The following ACAT2 variants were observed in gnomAD, a reference collection of about 807,000 sequenced individuals.
The protein encoded by ACAT2 is acetyl-CoA acetyltransferase, cytosolic.
Under a neutral mutation model 37.1 loss-of-function variants are expected in ACAT2, and 26 were observed. The ratio of observed to expected loss-of-function variants is 0.70; its 90% confidence interval spans 0.51 to 0.97. The LOEUF (loss-of-function observed/expected upper bound fraction) is 0.97, where lower values mean the gene tolerates loss of function less well. Ranked by LOEUF, ACAT2 falls within the 50% of genes least tolerant of loss-of-function variation. The pLI is 0.00. For synonymous variants in ACAT2, 156 were observed against 163.6 expected (o/e 0.95, Z 0.35); for missense variants, 468 against 489.0 (o/e 0.96, Z 0.40).
chr6:159,765,952 G>A (rs1780249346), intron 2 of ACAT2, among the ~76,000 whole-genome samples: 1 of 152,166 alleles, frequency 6.6e-6, no homozygotes, highest in African/African-American at 2.4e-5. Context: ...ATCTGAAACT[G>A]GGAATAGAGT....
At chr6:159,762,268 G>C (rs1484190329) in intron 1 of ACAT2, 126 bp downstream of exon 1, 2 of 1,323,130 alleles carry the variant, frequency 1.5e-6, no homozygotes, top group Non-Finnish European at 2.0e-6. Flanking sequence ...GCCGCGAGGA[G>C]CCGCGGGATC....
intron 6 of ACAT2, 35 bp downstream of exon 6, chr6:159,776,307 AT>A: frequency 6.3e-7 from 1 of 1,598,630 alleles, no homozygotes; most frequent in Non-Finnish European, 8.5e-7. Context: ...GGGGAATACT[AT>A]GTTCTATAAT....
chr6:159,772,839 T>G (rs1018911724), intron 4 of ACAT2, among the ~76,000 whole-genome samples: 1 of 151,478 alleles, frequency 6.6e-6, no homozygotes, highest in Non-Finnish European at 1.5e-5. Context: ...GAAAAACAGC[T>G]TGATAAGTAA....
chr6:159,777,532 T>G, intron 7 of ACAT2, 76 bp downstream of exon 7: 1 of 1,443,642 alleles, frequency 6.9e-7, no homozygotes, highest in African/African-American at 1.4e-5. Flanking sequence ...TGTAGTTAGC[T>G]CTAGTCTTTC....
chr6:159,776,509 A>C (rs1780416804), intron 6 of ACAT2, among the ~76,000 whole-genome samples: 1 of 152,214 alleles, frequency 6.6e-6, no homozygotes, highest in Non-Finnish European at 1.5e-5. Flanking sequence ...GGCATGAGCC[A>C]CCACACCCAA....
chr6:159,771,063 CAA>C (rs1352459293), intron 4 of ACAT2, among the ~76,000 whole-genome samples: 1 of 115,952 alleles, frequency 8.6e-6, no homozygotes, highest in African/African-American at 3.4e-5. Flanking sequence ...AACTCTGTCT[CAA>C]AAAATTAAAT....
At chr6:159,768,041 G>C (rs1311503426) in intron 3 of ACAT2, among the ~76,000 whole-genome samples, 1 of 152,144 alleles carries the variant, frequency 6.6e-6, no homozygotes, top group East Asian at 1.9e-4. Flanking sequence ...TAATATACCT[G>C]CTGTTGAGTT....
intron 2 of ACAT2, among the ~76,000 whole-genome samples, chr6:159,765,514 C>T (rs1330955398): frequency 1.3e-5 from 2 of 152,084 alleles, no homozygotes; most frequent in Non-Finnish European, 2.9e-5. Context: ...TCACTGCAAC[C>T]TCTGTCTCAG....
chr6:159,768,536 C>T lies in ACAT2; in HGVS notation c.398C>T (p.Thr133Ile). Residue 133 changes from threonine to isoleucine, a missense_variant, in exon 4 of 9, where the codon ACA becomes ATA. Thr to Ile is a moderately conservative substitution (Grantham distance 89). Transcript: ENST00000367048. Reference protein sequence around the residue: ...SKAPHLAYLRTGVKIGEMPLT... With the variant: ...SKAPHLAYLRIGVKIGEMPLT... Reference sequence around the variant, plus strand: ...GCTCCTCACTTGGCTTACTTGAGAACAGGAGTAAAGATAGGTGAGATGCCA... The same window carrying T: ...GCTCCTCACTTGGCTTACTTGAGAATAGGAGTAAAGATAGGTGAGATGCCA... The T allele has an allele frequency of 1.2e-6, 2 of 1,613,624 alleles. No homozygotes were observed. Among genetic ancestry groups the T allele is most frequent in the Non-Finnish European group, 1.7e-6 (2 of 1,179,660 alleles).
At chr6:159,777,836 A>G (rs1583134053) in intron 7 of ACAT2, among the ~76,000 whole-genome samples, 1 of 151,966 alleles carries the variant, frequency 6.6e-6, no homozygotes, top group Non-Finnish European at 1.5e-5. Context: ...GTGAGCCACT[A>G]CCCCCAGCCA....
intron 2 of ACAT2, among the ~76,000 whole-genome samples, chr6:159,764,989 A>G (rs1398988275): frequency 1.3e-5 from 2 of 151,702 alleles, no homozygotes; most frequent in African/African-American, 4.9e-5. Context: ...TTGAGCACCT[A>G]CTTTGTGCCA....
Position 159,762,382 on chromosome 6 carries a change from G to C in ACAT2, c.55+240G>C, listed in dbSNP as rs185173128. ...TCCCTCGTGCTTGGATTGGCTCCCG[G>C]GGTAGAGCCATCGCGTGGCCTGCCT... On this transcript the variant is annotated intron_variant, in intron 1 of 8. Coordinates refer to ENST00000367048, the MANE Select transcript of ACAT2 (RefSeq NM_005891.3). The C allele has an allele frequency of 4.0e-4, 548 of 1,360,672 alleles. 1 individual carries two copies. The highest frequency in any genetic ancestry group is 4.9e-4 in the Non-Finnish European group (510 of 1,040,188). The allele number at this position is 1,360,672 out of a possible 1,614,324, so 84.3% of individuals were successfully genotyped here.
At position 159,776,301 on chromosome 6, in the gene ACAT2, A is replaced by C. The variant is rs28639975; in HGVS notation, c.757+29A>C. The C allele has an allele frequency of 8.1e-6, 13 of 1,610,716 alleles. No homozygotes were observed. The Admixed American group carries it at 8.4e-5, about 10-fold the overall frequency. ...AGATTTTCTGAAGGACATCTGGGGG[A>C]ATACTATGTTCTATAATGTCTACCG... On this transcript the variant is annotated intron_variant, in intron 6 of 8. Transcript: ENST00000367048.
chr6:159,778,822 G>C lies in ACAT2; in HGVS notation c.1187G>C (p.Arg396Thr), dbSNP rs766982295. Residue 396 changes from arginine (R) to threonine (T), a missense_variant, in exon 9 of 9, where the codon AGA (arginine) becomes ACA (threonine). By Grantham distance (71) the Arg-to-Thr change is moderately conservative (BLOSUM62 -1). Coordinates refer to ENST00000367048, the MANE Select transcript of ACAT2 (RefSeq NM_005891.3). ...GGMGIAMCVQ[R>T]E Reference sequence around the variant, plus strand: ...ATGGGAATAGCAATGTGTGTTCAGAGAGAATGAATTGCTTAAACTTTGAAC... The same window carrying C: ...ATGGGAATAGCAATGTGTGTTCAGACAGAATGAATTGCTTAAACTTTGAAC... 6.2e-7 allele frequency: 1 copy of C among 1,614,170 alleles called. No individual in the cohort carries two copies. Among genetic ancestry groups the C allele is most frequent in the Non-Finnish European group, 8.5e-7 (1 of 1,180,032 alleles).
At chr6:159,778,059 A>G in intron 7 of ACAT2, 111 bp from the exon 8 acceptor site, 2 of 699,506 alleles carry the variant, frequency 2.9e-6, no homozygotes, top group Non-Finnish European at 4.7e-6. Context: ...AGAACAAACC[A>G]AAGTAGCAGT....
chr6:159,776,325 C>A, intron 6 of ACAT2, 53 bp downstream of exon 6: 1 of 1,569,668 alleles, frequency 6.4e-7, no homozygotes, highest in East Asian at 2.3e-5. Context: ...TAATGTCTAC[C>A]GAGTGAATAT....
chr6:159,768,614 A>T lies in ACAT2; in HGVS notation c.476A>T (p.His159Leu), dbSNP rs1780291146. The T allele has an allele frequency of 6.2e-7, 1 of 1,609,192 alleles. No individual in the cohort carries two copies. Among genetic ancestry groups the T allele is most frequent in the Non-Finnish European group, 8.5e-7 (1 of 1,175,682 alleles). Reference protein sequence around the residue: ...DGLTDAFHNCHMGITAENVAK... With the variant: ...DGLTDAFHNCLMGITAENVAK... Reference sequence around the variant, plus strand: ...CTTACAGATGCATTTCACAACTGTCATATGGGTATTACAGGTAAGGCAGAC... The same window carrying T: ...CTTACAGATGCATTTCACAACTGTCTTATGGGTATTACAGGTAAGGCAGAC... The change falls in exon 4 of 9, where the codon CAT becomes CTT. Residue 159 changes from histidine (H) to leucine (L), a missense_variant. Physicochemically the swap from His to Leu is moderately conservative, Grantham distance 99. Transcript: ENST00000367048.
intron 4 of ACAT2, among the ~76,000 whole-genome samples, chr6:159,771,136 CT>C (rs1780330023): frequency 2.0e-5 from 3 of 151,944 alleles, no homozygotes; most frequent in African/African-American, 7.2e-5. Context: ...AATCCCAGCA[CT>C]TTGGGAGGTC....
chr6:159,771,989 G>A (rs1313402098), intron 4 of ACAT2, among the ~76,000 whole-genome samples: 1 of 152,156 alleles, frequency 6.6e-6, no homozygotes, highest in African/African-American at 2.4e-5. Context: ...ACTTTGGGAG[G>A]CCGAGGCGGG....
Sources: gnomAD v4.1 joint callset for allele counts (sites outside exome capture counted in the v4.1 genomes callset) on GRCh38, gnomAD v4.1.1 for gene constraint, MANE v1.5 for transcripts, NCBI Gene and HGNC (gene_info 2026-07-23, HGNC 2026-07-21) for gene names.